The following TMPPE variants were observed in gnomAD, a reference collection of about 807,000 sequenced individuals.
TMPPE encodes the protein transmembrane protein with metallophosphoesterase domain.
In TMPPE, 16 loss-of-function variants were observed where a neutral mutation model predicts 22.6. The observed-to-expected ratio is 0.71, with a 90% CI of 0.48 to 1.08. The LOEUF (loss-of-function observed/expected upper bound fraction) is 1.08. TMPPE is among the 50% of genes least tolerant of loss of function. The probability of loss-of-function intolerance (pLI) is 0.00; values close to 1 mark genes in which losing one functional copy is unlikely to be tolerated. For missense variants in TMPPE, 526 were observed against 584.3 expected, an observed-to-expected ratio of 0.90 and a Z score of 1.03; for synonymous variants, 240 against 245.3, an observed-to-expected ratio of 0.98 and a Z score of 0.20.
Position 33,093,130 on chromosome 3 carries a change from C to G in TMPPE, c.1066G>C (p.Glu356Gln), listed in dbSNP as rs1700841005. Reference protein sequence around the residue: ...GHGMDLDKALEGCSPDHTIIL... With the variant: ...GHGMDLDKALQGCSPDHTIIL... ...ATTGTGTGGTCTGGGCTGCAGCCCT[C>G]CAGGGCCTTGTCAAGATCCATGCCA... The change falls in exon 2 of 2, where the codon GAG becomes CAG. Residue 356 changes from glutamate to glutamine, a missense_variant. Coordinates refer to ENST00000342462, the MANE Select transcript of TMPPE (RefSeq NM_001039770.3). The surrounding 1 kb of genome is among the most constrained non-coding windows in gnomAD (Gnocchi z 6.0). 1.2e-6 allele frequency: 2 copies of G among 1,614,178 alleles called. No homozygotes were observed. The highest frequency in any genetic ancestry group is 1.7e-6 in the Non-Finnish European group (2 of 1,180,038).
rs1051691955 is a variant in TMPPE, at chr3:33,092,043, T to G, written c.*791A>C. Reference sequence around the variant, plus strand: ...TATCTCCAAATAGGGAAAAGCAGCCTGTCCCCAGTGAGCTCCCCGAAGGGT... The same window carrying G: ...TATCTCCAAATAGGGAAAAGCAGCCGGTCCCCAGTGAGCTCCCCGAAGGGT... On this transcript the variant is annotated 3_prime_UTR_variant, in exon 2 of 2. Coordinates refer to ENST00000342462, the MANE Select transcript of TMPPE (RefSeq NM_001039770.3). 3.0e-6 allele frequency: 3 copies of G among 985,178 alleles called. No individual in the cohort carries two copies. In the African/African-American group the frequency reaches 5.2e-5, roughly 17 times the overall value. The allele number at this position is 985,178 out of a possible 1,614,324, so 61.0% of individuals were successfully genotyped here.
chr3:33,097,101 G>A lies in TMPPE; in HGVS notation c.-491C>T, dbSNP rs1309547608. The A allele has an allele frequency of 2.7e-5, 44 of 1,611,634 alleles. No individual in the cohort carries two copies. Among genetic ancestry groups the A allele is most frequent in the Non-Finnish European group, 3.7e-5 (44 of 1,178,758 alleles). On this transcript the variant is annotated 5_prime_UTR_variant, in exon 1 of 2. Transcript: ENST00000342462. ...ACCCCGGCATGACCACCAGCCTCCC[G>A]GCTCTGCAGTCGGCGCCCAGGCCGG...
chr3:33,097,059 G>A lies in TMPPE; in HGVS notation c.-449C>T, dbSNP rs905194921. On this transcript the variant is annotated 5_prime_UTR_variant, in exon 1 of 2. Coordinates refer to ENST00000342462, the MANE Select transcript of TMPPE (RefSeq NM_001039770.3). The stretch of plus-strand genomic sequence containing the variant: ...GAAGCAGCAGAACCAGCAACAGAGG[G>A]AGGATGCGAACCAGGAACCCCGGCA... The A allele has an allele frequency of 2.5e-6, 4 of 1,612,458 alleles. No individual in the cohort carries two copies. In the African/African-American group the frequency reaches 4.0e-5, roughly 16 times the overall value.
chr3:33,090,622 A>C lies in TMPPE; in HGVS notation c.*2212T>G. ...CACCTCCCCCGGCCACAAACAAACA[A>C]AAAGGTCCATGGTTTAAGAATGTTG... On this transcript the variant is annotated 3_prime_UTR_variant, in exon 2 of 2. Transcript: ENST00000342462. 1 of 985,342 alleles carries C rather than the reference A, an allele frequency of 1.0e-6. No individual in the cohort carries two copies. The highest frequency in any genetic ancestry group is 1.1e-4 in the East Asian group (1 of 8,828). 61.0% of individuals were successfully genotyped at this position (985,342 alleles called of 1,614,324 possible).
At chr3:33,095,210 CAAAAAAAAAA>C (rs71630565) in intron 1 of TMPPE, among the ~76,000 whole-genome samples, 8 of 75,890 alleles carry the variant, frequency 1.1e-4, no homozygotes, top group South Asian at 1.0e-3. Flanking sequence ...GACTCTGTCT[CAAAAAAAAAA>C]AAAAAAAAAA....
At chr3:33,094,394 C>T in intron 1 of TMPPE, 91 bp from the exon 2 acceptor site, 1 of 1,337,376 alleles carries the variant, frequency 7.5e-7, no homozygotes, top group South Asian at 2.4e-5. Flanking sequence ...CTGCCCAACC[C>T]ACCTTGAATC....
rs1701045144 is a variant in TMPPE at position 33,096,702 on chromosome 3, G to A, written c.-109+17C>T. ...ATCCCCTCCCGGAAAGCCAACTTAG[G>A]AAATGTTTACACGCACCTCGTCTCA... On this transcript the variant is annotated intron_variant, in intron 1 of 1. Transcript: ENST00000342462. 1 of 1,199,874 alleles carries A rather than the reference G, an allele frequency of 8.3e-7. No homozygotes were observed. The highest frequency in any genetic ancestry group is 1.0e-6 in the Non-Finnish European group (1 of 966,338). 74.3% of individuals were successfully genotyped at this position (1,199,874 alleles called of 1,614,324 possible). A position where few individuals can be genotyped will look rare whatever the true frequency, so the allele number is the denominator to read the frequency against.
rs976066325 is a variant in TMPPE, at chr3:33,094,251, T to G, written c.-56A>C. Reference sequence around the variant, plus strand: ...GTTCTGTGCTGGTGGACTCTGGAAATGAGTTCCTTAGAAAGGACAGTGGCC... The same window carrying G: ...GTTCTGTGCTGGTGGACTCTGGAAAGGAGTTCCTTAGAAAGGACAGTGGCC... On this transcript the variant is annotated 5_prime_UTR_variant, in exon 2 of 2. Transcript: ENST00000342462. The G allele has an allele frequency of 8.5e-6, 13 of 1,525,910 alleles. No individual in the cohort carries two copies. In the East Asian group the frequency reaches 3.0e-4, roughly 35 times the overall value. The allele number at this position is 1,525,910 out of a possible 1,614,324, so 94.5% of individuals were successfully genotyped here.
chr3:33,091,087 C>T lies in TMPPE; in HGVS notation c.*1747G>A, dbSNP rs975186628. On this transcript the variant is annotated 3_prime_UTR_variant, in exon 2 of 2. Transcript: ENST00000342462. ...AGTGAAATGGCACCATCTAGCCCAC[C>T]TGGTGAAATCCAAAGCGAGAACTTA... 10 of 985,382 alleles carry T rather than the reference C, an allele frequency of 1.0e-5. No individual in the cohort carries two copies. The highest frequency in any genetic ancestry group is 8.4e-6 in the Non-Finnish European group (7 of 829,938). 61.0% of individuals were successfully genotyped at this position (985,382 alleles called of 1,614,324 possible).
chr3:33,091,228 C>G lies in TMPPE; in HGVS notation c.*1606G>C. On this transcript the variant is annotated 3_prime_UTR_variant, in exon 2 of 2. Coordinates refer to ENST00000342462, the MANE Select transcript of TMPPE (RefSeq NM_001039770.3). ...CCACCAAAATTTCAACTCAAAGATACATTTTAAACTGCATGGTATGGCCCA... is the reference window on the plus strand; with the variant it reads ...CCACCAAAATTTCAACTCAAAGATAGATTTTAAACTGCATGGTATGGCCCA... 1.0e-6 allele frequency: 1 copy of G among 985,490 alleles called. No homozygotes were observed. 61.0% of individuals were successfully genotyped at this position (985,490 alleles called of 1,614,324 possible).
rs569187712 is a variant in TMPPE, at chr3:33,096,725, T to C, written c.-115A>G. On this transcript the variant is annotated 5_prime_UTR_variant, in exon 1 of 2. Transcript: ENST00000342462. ...AGGAAATGTTTACACGCACCTCGTC[T>C]CAACACCTCGTTACAGATGGGGAAG... is the stretch of plus-strand genomic sequence containing the variant. The C allele has an allele frequency of 1.6e-6, 2 of 1,265,716 alleles. No individual in the cohort carries two copies. The highest frequency in any genetic ancestry group is 2.2e-5 in the South Asian group (1 of 45,272). 78.4% of individuals were successfully genotyped at this position (1,265,716 alleles called of 1,614,324 possible).
rs1166365050 is a variant in TMPPE, at chr3:33,094,073, A to G, written c.123T>C (p.Arg41=). The change falls in exon 2 of 2, where the codon CGT becomes CGC. Residue 41 remains arginine (R), a synonymous_variant. Coordinates refer to ENST00000342462, the MANE Select transcript of TMPPE (RefSeq NM_001039770.3). ...GGGCAAGCTGCAAGCGAAGCAGCCA[A>G]CGCCAGGCCCTGAGCTCAAGGCTCT... is the stretch of plus-strand genomic sequence containing the variant. ...LAESLELRAW[R]WLLRLQLALF... is the part of the protein sequence containing the mutation. 48 of 1,614,234 alleles carry G rather than the reference A, an allele frequency of 3.0e-5. No homozygotes were observed. The highest frequency in any genetic ancestry group is 3.9e-5 in the Non-Finnish European group (46 of 1,180,046).
chr3:33,092,799 AAGGGCAGGGCAGAGGTGCAC>A lies in TMPPE; in HGVS notation c.*15_*34del, dbSNP rs1293273941. 2 of 1,549,452 alleles carry A rather than the reference AAGGGCAGGGCAGAGGTGCAC, an allele frequency of 1.3e-6. No homozygotes were observed. Among genetic ancestry groups the A allele is most frequent in the South Asian group, 1.2e-5 (1 of 81,442 alleles). The stretch of plus-strand genomic sequence containing the variant: ...TGAAGCAGGATGGAGGGTCGAGGAC[AAGGGCAGGGCAGAGGTGCAC>A]AGGGCAGGGCCAGTTCAGGGAGACC... On this transcript the variant is annotated 3_prime_UTR_variant, in exon 2 of 2. Coordinates refer to ENST00000342462, the MANE Select transcript of TMPPE (RefSeq NM_001039770.3).
Position 33,090,926 on chromosome 3 carries a change from TA to T in TMPPE, c.*1907del, listed in dbSNP as rs140320259. ...AAGAAAAGAGGTAAGGATGCAAAAT[TA>T]AAAAAAAAATAGGACTTAATGAAAG... On this transcript the variant is annotated 3_prime_UTR_variant, in exon 2 of 2. Coordinates refer to ENST00000342462, the MANE Select transcript of TMPPE (RefSeq NM_001039770.3). The T allele has an allele frequency of 1.6e-4, 148 of 911,894 alleles. No homozygotes were observed. Among genetic ancestry groups the T allele is most frequent in the Middle Eastern group, 5.7e-4 (1 of 1,750 alleles). The allele number at this position is 911,894 out of a possible 1,614,324, so 56.5% of individuals were successfully genotyped here.
chr3:33,093,806 GA>G lies in TMPPE; in HGVS notation c.389del (p.Phe130SerfsTer43). 6.2e-7 allele frequency: 1 copy of G among 1,613,574 alleles called. No individual in the cohort carries two copies. Among genetic ancestry groups the G allele is most frequent in the South Asian group, 1.1e-5 (1 of 90,988 alleles). ...CCATGCCGCTGAGGATGAAGAGGAA[GA>G]AGAGCATGATGATGTAAGCACCCAG... ...SCLGAYIIML[F>X]FLFILSGMEQ... On this transcript the variant is annotated frameshift_variant, in exon 2 of 2. Coordinates refer to ENST00000342462, the MANE Select transcript of TMPPE (RefSeq NM_001039770.3). LOFTEE classifies it high-confidence loss of function. The surrounding 1 kb of genome is among the most constrained non-coding windows in gnomAD (Gnocchi z 6.0).
chr3:33,094,880 C>T (rs945384182), intron 1 of TMPPE, among the ~76,000 whole-genome samples: 4 of 152,202 alleles, frequency 2.6e-5, no homozygotes, highest in East Asian at 1.9e-4. Context: ...TGTTTATTAA[C>T]GTGTAATGAT....
Position 33,096,927 on chromosome 3 carries a change from C to A in TMPPE, c.-317G>T. ...GCTCAGGCTCCCCGCCCTGCGGGAC[C>A]GCGGGTGGCTGCGACCCCAGCCCGG... is the stretch of plus-strand genomic sequence containing the variant. On this transcript the variant is annotated 5_prime_UTR_variant, in exon 1 of 2. Transcript: ENST00000342462. 6.5e-7 allele frequency: 1 copy of A among 1,546,790 alleles called. No individual in the cohort carries two copies. The highest frequency in any genetic ancestry group is 8.7e-7 in the Non-Finnish European group (1 of 1,147,386).
At position 33,097,117 on chromosome 3, in the gene TMPPE, C is replaced by T. The variant is rs1480860648; in HGVS notation, c.-507G>A. On this transcript the variant is annotated 5_prime_UTR_variant, in exon 1 of 2. Coordinates refer to ENST00000342462, the MANE Select transcript of TMPPE (RefSeq NM_001039770.3). ...CAGCCTCCCGGCTCTGCAGTCGGCGCCCAGGCCGGCCGCTTCGCGTCACTT... is the reference window on the plus strand; with the variant it reads ...CAGCCTCCCGGCTCTGCAGTCGGCGTCCAGGCCGGCCGCTTCGCGTCACTT... 3.7e-6 allele frequency: 6 copies of T among 1,608,914 alleles called. No homozygotes were observed. The highest frequency in any genetic ancestry group is 4.2e-6 in the Non-Finnish European group (5 of 1,177,482).
At position 33,093,497 on chromosome 3, in the gene TMPPE, C is replaced by T; in HGVS notation, c.699G>A (p.Val233=). ...CCGTGATGTCTGGTTCCAGCACATTCACCATCCTCACAAACATTTCCATCT... is the reference window on the plus strand; with the variant it reads ...CCGTGATGTCTGGTTCCAGCACATTTACCATCCTCACAAACATTTCCATCT... ...RTKMEMFVRM[V]NVLEPDITVI... Residue 233 remains valine, a synonymous_variant, in exon 2 of 2, where the codon GTG becomes GTA. Transcript: ENST00000342462. The surrounding 1 kb of genome is among the most constrained non-coding windows in gnomAD (Gnocchi z 6.0). 1 of 1,614,238 alleles carries T rather than the reference C, an allele frequency of 6.2e-7. No individual in the cohort carries two copies. Among genetic ancestry groups the T allele is most frequent in the Non-Finnish European group, 8.5e-7 (1 of 1,180,046 alleles).
Sources: allele counts gnomAD v4.1 joint callset (sites outside exome capture counted in the v4.1 genomes callset), GRCh38; gene constraint gnomAD v4.1.1; non-coding constraint Gnocchi (gnomAD v3.1); transcripts MANE v1.5; gene names NCBI Gene and HGNC (gene_info 2026-07-23, HGNC 2026-07-21).